MSI2: variants seen among roughly 807,000 people sequenced by gnomAD.
MSI2 encodes musashi RNA binding protein 2.
In MSI2, 17 loss-of-function variants were observed where a neutral mutation model predicts 45.6. The ratio of observed to expected loss-of-function variants is 0.37; its 90% CI spans 0.26 to 0.56. MSI2 has a LOEUF of 0.56. MSI2 is among the 20% of genes least tolerant of loss of function. MSI2 has a pLI of 0.77. For missense variants in MSI2, 293 were observed against 444.2 expected, an observed-to-expected ratio of 0.66 and a Z score of 3.06; for synonymous variants, 156 against 158.2, an observed-to-expected ratio of 0.99 and a Z score of 0.11.
At chr17:57,349,213 C>G (rs1915834753) in intron 5 of MSI2, among the ~76,000 whole-genome samples, 1 of 152,178 alleles carries the variant, frequency 6.6e-6, no homozygotes, top group East Asian at 1.9e-4. Context: ...GGATTCTCCT[C>G]AGCTCACTGC....
In MSI2 at chr17:57,428,910, G is replaced by T. The variant is rs976461204; in HGVS notation, c.405+27439G>T. ...CTAGTAATAATATATTTACCAGCCAGCATATATTTATGATCAGTATACATT... is the reference window on the plus strand; with the variant it reads ...CTAGTAATAATATATTTACCAGCCATCATATATTTATGATCAGTATACATT... On this transcript the variant is annotated intron_variant, in intron 6 of 13. Transcript: ENST00000284073. Among the ~76,000 whole-genome samples the T allele has an allele frequency of 2.0e-5, 3 of 152,090 alleles. No homozygotes were observed. In the South Asian group the frequency reaches 6.2e-4, roughly 32 times the overall value.
intron 5 of MSI2, among the ~76,000 whole-genome samples, chr17:57,297,715 T>C (rs1598088231): frequency 1.3e-5 from 2 of 152,322 alleles, no homozygotes; most frequent in Non-Finnish European, 1.5e-5. Context: ...TTGCAGTCAG[T>C]CCTCTCAAAC....
At chr17:57,399,721 A>G (rs1838130) in intron 5 of MSI2, among the ~76,000 whole-genome samples, 149,657 of 152,346 alleles carry the variant, frequency 0.98, 73,561 homozygotes, top group Middle Eastern at 1. Flanking sequence ...TATGATGCTC[A>G]TGGATTCATG....
intron 7 of MSI2, among the ~76,000 whole-genome samples, chr17:57,594,817 CT>C (rs765092589): frequency 1.3e-5 from 2 of 152,174 alleles, no homozygotes; most frequent in Non-Finnish European, 2.9e-5. Context: ...AACTCGGCAT[CT>C]TTGAGCCCCT....
At chr17:57,324,339 C>CA (rs1318166780) in intron 5 of MSI2, among the ~76,000 whole-genome samples, 1 of 152,184 alleles carries the variant, frequency 6.6e-6, no homozygotes. Flanking sequence ...GCTGCACAGA[C>CA]AGGAGGCAGC....
intron 6 of MSI2, among the ~76,000 whole-genome samples, chr17:57,419,160 A>G (rs7212350): frequency 0.7 from 106,165 of 151,138 alleles, 37,900 homozygotes; most frequent in South Asian, 0.87. Context: ...TTTCTGTCCT[A>G]GGAACTTTAA....
chr17:57,319,132 T>C (rs570834467), intron 5 of MSI2, among the ~76,000 whole-genome samples: 2 of 152,340 alleles, frequency 1.3e-5, no homozygotes, highest in East Asian at 1.9e-4. Flanking sequence ...CTTCTGACTC[T>C]GGGCGGGCTG....
chr17:57,664,440 C>A (rs1348332267), intron 11 of MSI2, among the ~76,000 whole-genome samples: 1 of 152,094 alleles, frequency 6.6e-6, no homozygotes, highest in East Asian at 1.9e-4. Context: ...ATTACTTGAA[C>A]CCGGGAGGCC....
In MSI2 at chr17:57,258,254, C is replaced by T. The variant is rs748200311; in HGVS notation, c.186-16C>T. On this transcript the variant is annotated splice_polypyrimidine_tract_variant and intron_variant, in intron 3 of 13. Coordinates refer to ENST00000284073, the MANE Select transcript of MSI2 (RefSeq NM_138962.4). ...CATTTTCTTGTTTGTTTTTCTCCCTCTTTGTCTCCTTTCAGAGGCTTCGGT... is the reference window on the plus strand; with the variant it reads ...CATTTTCTTGTTTGTTTTTCTCCCTTTTTGTCTCCTTTCAGAGGCTTCGGT... 6.2e-7 allele frequency: 1 copy of T among 1,612,772 alleles called. No homozygotes were observed. Among genetic ancestry groups the T allele is most frequent in the Admixed American group, 1.7e-5 (1 of 60,020 alleles).
chr17:57,426,192 T>A (rs1044730739), intron 6 of MSI2, among the ~76,000 whole-genome samples: 6 of 152,142 alleles, frequency 3.9e-5, no homozygotes, highest in Non-Finnish European at 7.4e-5. Flanking sequence ...AGTGGATGTG[T>A]TTAGTCGTGA....
At chr17:57,521,462 A>G (rs141094775) in intron 6 of MSI2, among the ~76,000 whole-genome samples, 135 of 152,272 alleles carry the variant, frequency 8.9e-4, no homozygotes, top group African/African-American at 3.1e-3. Flanking sequence ...CCCTCTGTTC[A>G]TTTTTGGCTC....
chr17:57,368,788 G>A (rs1210810780), intron 5 of MSI2, among the ~76,000 whole-genome samples: 1 of 152,148 alleles, frequency 6.6e-6, no homozygotes, highest in Non-Finnish European at 1.5e-5. Flanking sequence ...ACAGGTGCTT[G>A]TGAGTGAGCT....
intron 7 of MSI2, among the ~76,000 whole-genome samples, chr17:57,560,415 A>G (rs1177687564): frequency 1.3e-5 from 2 of 152,172 alleles, no homozygotes; most frequent in Non-Finnish European, 2.9e-5. Context: ...ACCCACTTCC[A>G]TGGGGATTTA....
At chr17:57,684,915 C>T (rs188581574), downstream of MSI2, among the ~76,000 whole-genome samples, 548 of 152,108 alleles carry the variant, frequency 3.6e-3, 3 homozygotes, top group Non-Finnish European at 5.8e-3. Context: ...GAAGAGCAGA[C>T]GGGAGAGGGG....
At chr17:57,401,809 A>G (rs115641436) in intron 6 of MSI2, among the ~76,000 whole-genome samples, 3,397 of 152,208 alleles carry the variant, frequency 0.022, 140 homozygotes, top group African/African-American at 0.078. Flanking sequence ...AGGAGCTCCC[A>G]TGGAAGCTGC....
chr17:57,416,304 G>A (rs2084293175), intron 6 of MSI2, among the ~76,000 whole-genome samples: 1 of 152,138 alleles, frequency 6.6e-6, no homozygotes, highest in African/African-American at 2.4e-5. Flanking sequence ...TTCTTTTAAG[G>A]CAGCTTTAAA....
rs1156697189 is a variant in MSI2, at chr17:57,529,313, G to C, written c.406-363G>C. On this transcript the variant is annotated intron_variant, in intron 6 of 13. Transcript: ENST00000284073. This position sits in a 1 kb window ranked among gnomAD's most constrained non-coding sequence, Gnocchi z 5.3. ...TAACTGGGCATGATGGTACATGCCT[G>C]TAGTCCCAGCTACTCAGGAAGCTGA... 6.6e-6 allele frequency among the ~76,000 whole-genome samples: 1 copy of C among 152,122 alleles called. No individual in the cohort carries two copies. The highest frequency in any genetic ancestry group is 1.5e-5 in the Non-Finnish European group (1 of 68,022).
chr17:57,475,497 A>G (rs1419638665), intron 6 of MSI2, among the ~76,000 whole-genome samples: 1 of 152,140 alleles, frequency 6.6e-6, no homozygotes, highest in Non-Finnish European at 1.5e-5. Context: ...CTCTTGCTTT[A>G]TCTGAGGGTC....
At chr17:57,674,129 ACT>A (rs1220968669) in intron 11 of MSI2, among the ~76,000 whole-genome samples, 2 of 148,688 alleles carry the variant, frequency 1.3e-5, no homozygotes, top group East Asian at 4.0e-4. Flanking sequence ...CCAAAAGGAA[ACT>A]CTCTGCCGCC....
Sources: allele counts gnomAD v4.1 joint callset (sites outside exome capture counted in the v4.1 genomes callset), GRCh38; gene constraint gnomAD v4.1.1; non-coding constraint Gnocchi (gnomAD v3.1); transcripts MANE v1.5; gene names NCBI Gene and HGNC (gene_info 2026-07-23, HGNC 2026-07-21).